The following FGD6 variants were observed in gnomAD, a reference collection of about 807,000 sequenced individuals.
FGD6 encodes the protein FYVE, RhoGEF and PH domain-containing protein 6.
Under a neutral mutation model 149.4 loss-of-function variants are expected in FGD6, and 90 were observed. The observed-to-expected ratio is 0.60, with a 90% CI of 0.51 to 0.72. FGD6 has a LOEUF of 0.72. Among genes scored for constraint, FGD6 ranks in the 30% least tolerant of loss-of-function variants. The pLI is 0.00. For missense variants in FGD6, 1,437 were observed against 1,684.8 expected, an observed-to-expected ratio of 0.85 and a Z score of 2.57; for synonymous variants, 527 against 584.0, an observed-to-expected ratio of 0.90 and a Z score of 1.41.
chr12:95,134,635 CG>C, intron 8 of FGD6, 103 bp downstream of exon 8: 1 of 923,970 alleles, frequency 1.1e-6, no homozygotes, highest in Non-Finnish European at 1.7e-6. Context: ...AACGTGGTGA[CG>C]GGGGTGATAT....
rs1565908878 is a variant in FGD6 at position 95,149,213 on chromosome 12, T to TG, written c.2685+3597_2685+3598insC. 8.4e-5 allele frequency among the ~76,000 whole-genome samples: 2 copies of TG among 23,840 alleles called. 1 individual carries two copies. Among genetic ancestry groups the TG allele is most frequent in the African/African-American group, 4.5e-4 (2 of 4,474 alleles). 15.6% of individuals were successfully genotyped at this position (23,840 alleles called of 152,430 possible). A position where few individuals can be genotyped will look rare whatever the true frequency, so the allele number is the denominator to read the frequency against. Reference sequence around the variant, plus strand: ...ATATAGCATATATAATATTATATATTATATAATATATAGCATATATATTAT... The same window carrying TG: ...ATATAGCATATATAATATTATATATTGATATAATATATAGCATATATATTAT... On this transcript the variant is annotated intron_variant, in intron 5 of 20. Coordinates refer to ENST00000343958, the MANE Select transcript of FGD6 (RefSeq NM_018351.4).
intron 2 of FGD6, among the ~76,000 whole-genome samples, chr12:95,192,877 T>A (rs1360104296): frequency 6.6e-6 from 1 of 152,190 alleles, no homozygotes; most frequent in Admixed American, 6.5e-5. Flanking sequence ...GAATGTAGAA[T>A]GTGGTCAATT....
In FGD6 at chr12:95,208,984, A is replaced by C. The variant is rs377596362; in HGVS notation, c.2300T>G (p.Met767Arg). 1.2e-6 allele frequency: 2 copies of C among 1,614,126 alleles called. No individual in the cohort carries two copies. Among genetic ancestry groups the C allele is most frequent in the Non-Finnish European group, 8.5e-7 (1 of 1,180,008 alleles). Reference protein sequence around the residue: ...IPEYENLPFIMAIRKTQELEW... With the variant: ...IPEYENLPFIRAIRKTQELEW... Reference sequence around the variant, plus strand: ...CAACTCTTGAGTTTTCCGTATAGCCATAATAAATGGCAAGTTCTCGTACTC... The same window carrying C: ...CAACTCTTGAGTTTTCCGTATAGCCCTAATAAATGGCAAGTTCTCGTACTC... Residue 767 changes from methionine (M) to arginine (R), a missense_variant, in exon 2 of 21, where the codon ATG becomes AGG. By Grantham distance (91) the Met-to-Arg change is moderately conservative (BLOSUM62 -1). Around this residue, in one of 2 missense-constraint regions of FGD6, gnomAD observed 1,055 missense variants for 1,146.0 expected, o/e 0.92. Coordinates refer to ENST00000343958, the MANE Select transcript of FGD6 (RefSeq NM_018351.4).
At position 95,091,789 on chromosome 12, in the gene FGD6, C is replaced by T. The variant is rs148790731; in HGVS notation, c.3768G>A (p.Ser1256=). Residue 1256 remains serine (S), a synonymous_variant, in exon 17 of 21, where the codon TCG becomes TCA. Coordinates refer to ENST00000343958, the MANE Select transcript of FGD6 (RefSeq NM_018351.4). The stretch of plus-strand genomic sequence containing the variant: ...GGTAATCTAAGCCATACTTATTAGA[C>T]GAACAAGCTTGGCATACAATCTGAA... ...ACGKIVCQAC[S]SNKYGLDYLK... is the part of the protein sequence containing the mutation. 1.7e-4 allele frequency: 280 copies of T among 1,612,446 alleles called. 2 individuals are homozygous for T. Among genetic ancestry groups the T allele is most frequent in the Middle Eastern group, 8.3e-4 (5 of 6,036 alleles).
At chr12:95,157,950 C>G (rs911792634) in intron 3 of FGD6, among the ~76,000 whole-genome samples, 4 of 152,070 alleles carry the variant, frequency 2.6e-5, no homozygotes, top group Non-Finnish European at 5.9e-5. Flanking sequence ...CGGGTTCAAG[C>G]GATTTTCCTG....
intron 2 of FGD6, among the ~76,000 whole-genome samples, chr12:95,176,188 C>G (rs1881127778): frequency 6.6e-6 from 1 of 152,176 alleles, no homozygotes; most frequent in African/African-American, 2.4e-5. Context: ...CCTCCCACCT[C>G]AGTCTTGCCA....
At chr12:95,118,375 G>GAA (rs1472092428) in intron 8 of FGD6, among the ~76,000 whole-genome samples, 3 of 151,134 alleles carry the variant, frequency 2.0e-5, no homozygotes, top group African/African-American at 7.3e-5. Context: ...AAGAGAGAGA[G>GAA]AGAAAGGATG....
intron 2 of FGD6, among the ~76,000 whole-genome samples, chr12:95,203,123 G>A (rs1009500964): frequency 2.6e-5 from 4 of 152,170 alleles, no homozygotes; most frequent in Non-Finnish European, 5.9e-5. Flanking sequence ...AATAGGACTT[G>A]CAGTGTCATT....
intron 9 of FGD6, among the ~76,000 whole-genome samples, chr12:95,112,003 G>A (rs1051811272): frequency 2.0e-5 from 3 of 152,146 alleles, no homozygotes; most frequent in Admixed American, 1.3e-4. Flanking sequence ...GGAGACTGAG[G>A]CAGGTGGATC....
In FGD6 at chr12:95,078,131, G is replaced by A. The variant is rs1188846813; in HGVS notation, c.*3389C>T. 1 of 152,208 alleles carries A rather than the reference G, an allele frequency of 6.6e-6. No individual in the cohort carries two copies. Among genetic ancestry groups the A allele is most frequent in the African/African-American group, 2.4e-5 (1 of 41,420 alleles). 9.4% of individuals were successfully genotyped at this position (152,208 alleles called of 1,614,324 possible). ...GAGGTGGGAGGATTGCTTAAGCCCA[G>A]GCATTTGAGTTCAGCATGGGAAACA... On this transcript the variant is annotated 3_prime_UTR_variant, in exon 21 of 21. Coordinates refer to ENST00000343958, the MANE Select transcript of FGD6 (RefSeq NM_018351.4).
In FGD6 at chr12:95,091,732, A is replaced by G. The variant is rs779979296; in HGVS notation, c.3825T>C (p.His1275=). Residue 1275 remains histidine, a synonymous_variant, in exon 17 of 21, where the codon CAT becomes CAC. Coordinates refer to ENST00000343958, the MANE Select transcript of FGD6 (RefSeq NM_018351.4). ...LKNQPARVCE[H]CFQELQKLDH... ...CTAATTTCTGCAGTTCTTGGAAACA[A>G]TGTTCACATACTCTTGCTGGTTGAT... 6 of 1,613,238 alleles carry G rather than the reference A, an allele frequency of 3.7e-6. No homozygotes were observed. The highest frequency in any genetic ancestry group is 1.3e-5 in the African/African-American group (1 of 74,924).
At chr12:95,087,747 TTTAA>T (rs1270768490) in intron 18 of FGD6, among the ~76,000 whole-genome samples, 5 of 152,340 alleles carry the variant, frequency 3.3e-5, no homozygotes, top group Non-Finnish European at 5.9e-5. Context: ...AAAGTGTATC[TTTAA>T]TTATATTAAT....
intron 2 of FGD6, among the ~76,000 whole-genome samples, chr12:95,188,316 G>T (rs1021733775): frequency 3.9e-5 from 6 of 152,084 alleles, no homozygotes; most frequent in African/African-American, 1.2e-4. Context: ...AAGAAATGAA[G>T]AAACCAGAAA....
intron 2 of FGD6, among the ~76,000 whole-genome samples, chr12:95,200,110 C>CTT (rs1881833329): frequency 6.6e-6 from 1 of 152,148 alleles, no homozygotes; most frequent in Non-Finnish European, 1.5e-5. Context: ...CATATCTACT[C>CTT]TTTAATTTCT....
chr12:95,158,555 CT>C (rs1306090300), intron 3 of FGD6, among the ~76,000 whole-genome samples: 3 of 151,940 alleles, frequency 2.0e-5, no homozygotes, highest in African/African-American at 7.3e-5. Flanking sequence ...ATATCAGGCA[CT>C]AAATAATCAT....
intron 2 of FGD6, among the ~76,000 whole-genome samples, chr12:95,174,418 C>T (rs577315302): frequency 3.6e-4 from 55 of 152,202 alleles, no homozygotes; most frequent in African/African-American, 1.3e-3. Context: ...AATTTCCAAT[C>T]GGCAGCAGCA....
At chr12:95,121,995 T>A (rs1368905358) in intron 8 of FGD6, among the ~76,000 whole-genome samples, 1 of 152,194 alleles carries the variant, frequency 6.6e-6, no homozygotes, top group Non-Finnish European at 1.5e-5. Context: ...CCTTATTACA[T>A]AAGGAATAAT....
chr12:95,102,443 CAAAAAAAA>C (rs55926317), intron 14 of FGD6, among the ~76,000 whole-genome samples: 4 of 104,256 alleles, frequency 3.8e-5, no homozygotes, highest in Admixed American at 2.2e-4. Flanking sequence ...GACCCTTTCT[CAAAAAAAA>C]AAAAAAAAAA....
intron 2 of FGD6, among the ~76,000 whole-genome samples, chr12:95,207,260 G>A (rs766809023): frequency 2.6e-5 from 4 of 152,150 alleles, no homozygotes; most frequent in Admixed American, 2.6e-4. Flanking sequence ...GGATGTGTTT[G>A]CTTCCTCTTC....
Sources: allele counts gnomAD v4.1 joint callset (sites outside exome capture counted in the v4.1 genomes callset), GRCh38; gene constraint gnomAD v4.1.1; regional missense constraint gnomAD v4.1.1; transcripts MANE v1.5; gene names NCBI Gene and HGNC (gene_info 2026-07-23, HGNC 2026-07-21).